Variants in TERF1 observed in about 807,000 individuals in gnomAD.
The protein encoded by TERF1 is telomeric repeat-binding factor 1.
Under a neutral mutation model 55.1 loss-of-function variants are expected in TERF1, and 20 were observed. The observed-to-expected ratio is 0.36, with a 90% CI of 0.26 to 0.53. The LOEUF is 0.53. Among genes scored for constraint, TERF1 ranks in the 20% least tolerant of loss-of-function variants. The probability of loss-of-function intolerance (pLI) is 0.91; values close to 1 mark genes in which losing one functional copy is unlikely to be tolerated. For missense variants in TERF1, 439 were observed against 535.7 expected, an observed-to-expected ratio of 0.82 and a Z score of 1.78; for synonymous variants, 168 against 181.2, an observed-to-expected ratio of 0.93 and a Z score of 0.59.
chr8:73,037,712 T>TATATTATATA (rs1809621630), intron 8 of TERF1, among the ~76,000 whole-genome samples: 1 of 81,530 alleles, frequency 1.2e-5, no homozygotes, highest in African/African-American at 5.4e-5. Flanking sequence ...TATTATATTA[T>TATATTATATA]ATATAATATA....
In TERF1 at chr8:73,027,106, A is replaced by T. The variant is rs1809042593; in HGVS notation, c.887+54A>T. 8 of 1,262,480 alleles carry T rather than the reference A, an allele frequency of 6.3e-6. No individual in the cohort carries two copies. In the South Asian group the frequency reaches 9.3e-5, roughly 15 times the overall value. 78.2% of individuals were successfully genotyped at this position (1,262,480 alleles called of 1,614,324 possible). On this transcript the variant is annotated intron_variant, in intron 6 of 9. Transcript: ENST00000276603. Reference sequence around the variant, plus strand: ...TTTGTTTTATGAATGTTCTGTCTTTATGTAAAATTGATATGTCTTTTTATT... The same window carrying T: ...TTTGTTTTATGAATGTTCTGTCTTTTTGTAAAATTGATATGTCTTTTTATT...
intron 1 of TERF1, chr8:73,009,662 G>GA: frequency 6.5e-6 from 1 of 154,248 alleles, no homozygotes; most frequent in Non-Finnish European, 1.4e-5. Flanking sequence ...ATTCTGTGTA[G>GA]TCTCAGAATA....
At chr8:73,032,438 G>C (rs1006716564) in intron 8 of TERF1, among the ~76,000 whole-genome samples, 1 of 152,092 alleles carries the variant, frequency 6.6e-6, no homozygotes, top group African/African-American at 2.4e-5. Flanking sequence ...ATTGCATATA[G>C]GATGGTGGTC....
chr8:73,027,828 C>T (rs1008422112), intron 6 of TERF1, among the ~76,000 whole-genome samples: 1 of 152,008 alleles, frequency 6.6e-6, no homozygotes, highest in Non-Finnish European at 1.5e-5. Flanking sequence ...CCCATCTTAA[C>T]TACTTATTTA....
At chr8:73,028,097 G>T (rs2981097) in intron 6 of TERF1, among the ~76,000 whole-genome samples, 102,870 of 152,060 alleles carry the variant, frequency 0.68, 35,530 homozygotes, top group Middle Eastern at 0.77. Context: ...AATCAAAGTT[G>T]AATGATACTA....
intron 8 of TERF1, among the ~76,000 whole-genome samples, chr8:73,035,821 C>A (rs528392805): frequency 5.3e-4 from 81 of 152,250 alleles, no homozygotes; most frequent in African/African-American, 1.8e-3. Flanking sequence ...ATGTCAACAT[C>A]CCATGTTTGT....
rs189548394 is a variant in TERF1, at chr8:73,017,236, C to T, written c.415+3246C>T. Among the ~76,000 whole-genome samples, 6 of 152,194 alleles carry T rather than the reference C, an allele frequency of 3.9e-5. No homozygotes were observed. The East Asian group carries it at 5.8e-4, about 15-fold the overall frequency. On this transcript the variant is annotated intron_variant, in intron 2 of 9. Coordinates refer to ENST00000276603, the MANE Select transcript of TERF1 (RefSeq NM_017489.3). ...ATTTGAAAATGTGTGTTGAAATTAGCTCTTGAAAGAAAGCAAGCAGATGAA... is the reference window on the plus strand; with the variant it reads ...ATTTGAAAATGTGTGTTGAAATTAGTTCTTGAAAGAAAGCAAGCAGATGAA...
intron 6 of TERF1, among the ~76,000 whole-genome samples, chr8:73,028,103 T>C (rs1238010682): frequency 1.3e-5 from 2 of 152,228 alleles, no homozygotes; most frequent in Non-Finnish European, 2.9e-5. Context: ...AGTTGAATGA[T>C]ACTAATACCC....
chr8:73,028,897 T>C (rs1163766403), intron 6 of TERF1, among the ~76,000 whole-genome samples: 1 of 152,230 alleles, frequency 6.6e-6, no homozygotes, highest in Non-Finnish European at 1.5e-5. Flanking sequence ...TTGAAGGTTC[T>C]TACTTAGCTT....
intron 4 of TERF1, among the ~76,000 whole-genome samples, chr8:73,023,361 C>T (rs889153183): frequency 3.3e-5 from 5 of 152,132 alleles, no homozygotes; most frequent in Non-Finnish European, 7.3e-5. Context: ...TAATTTGTTT[C>T]CCTGATGAAT....
At chr8:73,043,451 C>A (rs1809910366) in intron 9 of TERF1, 1 of 152,024 alleles carries the variant, frequency 6.6e-6, no homozygotes. Context: ...TAGGGGTGAG[C>A]AAAATTTTTC....
At chr8:73,015,096 A>G (rs1163365002) in intron 2 of TERF1, among the ~76,000 whole-genome samples, 1 of 152,172 alleles carries the variant, frequency 6.6e-6, no homozygotes, top group Non-Finnish European at 1.5e-5. Flanking sequence ...CTTCCTGGAT[A>G]ACCTTTTCTC....
intron 8 of TERF1, among the ~76,000 whole-genome samples, chr8:73,036,328 T>G (rs577531516): frequency 6.6e-6 from 1 of 152,336 alleles, no homozygotes; most frequent in East Asian, 1.9e-4. Flanking sequence ...AAGGCTTTTC[T>G]ACATTCAACA....
At chr8:73,043,737 A>G (rs528189955) in intron 9 of TERF1, among the ~76,000 whole-genome samples, 1 of 152,160 alleles carries the variant, frequency 6.6e-6, no homozygotes, top group Non-Finnish European at 1.5e-5. Flanking sequence ...TTCTTGAAAG[A>G]AAGGGGCTTT....
intron 9 of TERF1, among the ~76,000 whole-genome samples, chr8:73,040,046 T>C (rs1325084336): frequency 6.8e-6 from 1 of 147,712 alleles, no homozygotes; most frequent in East Asian, 2.0e-4. Flanking sequence ...TAGTTCATAC[T>C]GAGGTGCTGC....
chr8:73,038,849 C>T, intron 8 of TERF1: 2 of 653,304 alleles, frequency 3.1e-6, no homozygotes, highest in Non-Finnish European at 3.9e-6. Context: ...TTTTTTTAAA[C>T]AGATAATGGA....
chr8:73,017,744 C>A (rs1157732283), intron 2 of TERF1, among the ~76,000 whole-genome samples: 1 of 149,990 alleles, frequency 6.7e-6, no homozygotes, highest in Admixed American at 6.7e-5. Flanking sequence ...CACTCTGTCA[C>A]CAGGCTGGAG....
At chr8:73,037,017 TATATA>T (rs913154687) in intron 8 of TERF1, among the ~76,000 whole-genome samples, 5 of 138,492 alleles carry the variant, frequency 3.6e-5, no homozygotes, top group Non-Finnish European at 6.1e-5. Context: ...TGTAATATAA[TATATA>T]ATATATATAA....
intron 8 of TERF1, among the ~76,000 whole-genome samples, chr8:73,037,725 T>A (rs1425036409): frequency 3.5e-5 from 3 of 86,904 alleles, no homozygotes; most frequent in Admixed American, 1.9e-4. Flanking sequence ...ATAATATATA[T>A]TATATAGTAT....
Sources: gnomAD v4.1 joint callset for allele counts (sites outside exome capture counted in the v4.1 genomes callset) on GRCh38, gnomAD v4.1.1 for gene constraint, MANE v1.5 for transcripts, NCBI Gene and HGNC (gene_info 2026-07-23, HGNC 2026-07-21) for gene names.